CHRNA5: variants seen among roughly 807,000 people sequenced by gnomAD.
CHRNA5 encodes the protein cholinergic receptor nicotinic alpha 5 subunit.
CHRNA5 carries 28 observed loss-of-function variants against 41.2 expected under a neutral mutation model. The observed-to-expected ratio is 0.68, with a 90% CI of 0.50 to 0.93. The LOEUF (loss-of-function observed/expected upper bound fraction) is 0.93, where lower values mean the gene tolerates loss of function less well. Among genes scored for constraint, CHRNA5 ranks in the 40% least tolerant of loss-of-function variants. The pLI, the probability that CHRNA5 is intolerant of heterozygous loss-of-function variation, is 0.00. For synonymous variants in CHRNA5, 188 were observed against 205.8 expected, an observed-to-expected ratio of 0.91 and a Z score of 0.74; for missense variants, 481 against 581.9, an observed-to-expected ratio of 0.83 and a Z score of 1.78.
intron 2 of CHRNA5, among the ~76,000 whole-genome samples, chr15:78,581,529 A>G (rs915457150): frequency 3.3e-5 from 5 of 152,218 alleles, no homozygotes; most frequent in Non-Finnish European, 5.9e-5. Flanking sequence ...TGTTCTGAAC[A>G]TGTAAATCAA....
At chr15:78,582,491 A>G (rs1298362918) in intron 2 of CHRNA5, among the ~76,000 whole-genome samples, 7 of 88,640 alleles carry the variant, frequency 7.9e-5, no homozygotes, top group South Asian at 3.4e-4. Context: ...TCTCAAAAAA[A>G]AAAAGAAAAG....
chr15:78,567,853 A>T (rs1434415004), intron 1 of CHRNA5, among the ~76,000 whole-genome samples: 1 of 152,194 alleles, frequency 6.6e-6, no homozygotes, highest in Non-Finnish European at 1.5e-5. Context: ...TACTGAATGG[A>T]TGATGTAATT....
intron 1 of CHRNA5, among the ~76,000 whole-genome samples, chr15:78,570,466 C>CA (rs1385570411): frequency 6.6e-4 from 63 of 96,116 alleles, no homozygotes; most frequent in African/African-American, 2.2e-3. Flanking sequence ...GACAGGGTTT[C>CA]ACCATGTTGG....
rs898046137 is a variant in CHRNA5 at position 78,583,682 on chromosome 15, G to A, written c.258+2720G>A. On this transcript the variant is annotated intron_variant, in intron 2 of 5. Coordinates refer to ENST00000299565, the Ensembl canonical transcript of CHRNA5. ...TGCACTCCAGCCTGGGCGACAGAGC[G>A]AGACTCTGTCTCAAAAAAAAAAAAA... Among the ~76,000 whole-genome samples the A allele has an allele frequency of 1.2e-4, 18 of 150,484 alleles. 1 individual carries two copies. The South Asian group carries it at 3.8e-3, about 32-fold the overall frequency.
intron 4 of CHRNA5, chr15:78,589,066 G>C (rs2141420350): frequency 6.6e-6 from 1 of 152,248 alleles, no homozygotes; most frequent in African/African-American, 2.4e-5. Context: ...TTAATCTTTT[G>C]ACACTTTTTA....
At chr15:78,580,840 C>G in exon 2 of CHRNA5, 1 of 1,612,888 alleles carries the variant, frequency 6.2e-7, no homozygotes, top group Non-Finnish European at 8.5e-7. Flanking sequence ...TATTGCAAAA[C>G]ATGAAGATAG....
At chr15:78,570,501 C>G (rs535398393) in intron 1 of CHRNA5, among the ~76,000 whole-genome samples, 63 of 140,288 alleles carry the variant, frequency 4.5e-4, no homozygotes, top group Non-Finnish European at 4.2e-4. Flanking sequence ...AACTCCTGGC[C>G]TCGAATGATC....
chr15:78,567,067 A>C (rs1195293889), intron 1 of CHRNA5, among the ~76,000 whole-genome samples: 1 of 151,982 alleles, frequency 6.6e-6, no homozygotes, highest in African/African-American at 2.4e-5. Context: ...CCTGGCTAAC[A>C]CAGTGAAACC....
intron 5 of CHRNA5, among the ~76,000 whole-genome samples, chr15:78,591,724 G>A (rs1035941590): frequency 2.6e-5 from 4 of 152,032 alleles, no homozygotes; most frequent in Admixed American, 2.6e-4. Flanking sequence ...ATTTCAATAG[G>A]TTTTTGGGGA....
At chr15:78,590,484 T>A in exon 5 of CHRNA5, 1 of 1,614,226 alleles carries the variant, frequency 6.2e-7, no homozygotes, top group Non-Finnish European at 8.5e-7. Context: ...CAAACTGCTT[T>A]GCATGAGAAG....
chr15:78,586,650 GA>G lies in CHRNA5; in HGVS notation c.269del (p.Asn90IlefsTer3). 1.3e-6 allele frequency: 2 copies of G among 1,582,590 alleles called. No individual in the cohort carries two copies. The highest frequency in any genetic ancestry group is 1.7e-6 in the Non-Finnish European group (2 of 1,161,726). ...TAAATTTTTATTTTTTAAAGGATGA[GA>G]AAAATCAGTTAATGACAACAAACGT... is the stretch of plus-strand genomic sequence containing the variant. On this transcript the variant is annotated frameshift_variant, in exon 3 of 6. Coordinates refer to ENST00000299565, the Ensembl canonical transcript of CHRNA5. LOFTEE classifies it high-confidence loss of function.
chr15:78,582,141 C>T (rs1288736350), intron 2 of CHRNA5, among the ~76,000 whole-genome samples: 1 of 152,026 alleles, frequency 6.6e-6, no homozygotes. Flanking sequence ...GTGTGCTCAG[C>T]CCTTAGCTAG....
intron 2 of CHRNA5, 62 bp downstream of exon 2, chr15:78,581,024 C>A: frequency 1.3e-6 from 2 of 1,509,140 alleles, no homozygotes; most frequent in Non-Finnish European, 1.8e-6. Context: ...CTGGTGTGTG[C>A]CCAGGCACTG....
At chr15:78,572,693 T>G (rs1447944863) in intron 1 of CHRNA5, among the ~76,000 whole-genome samples, 2 of 152,054 alleles carry the variant, frequency 1.3e-5, no homozygotes, top group African/African-American at 4.8e-5. Flanking sequence ...ATGTTGGTCA[T>G]ACTGGTCTCG....
chr15:78,585,791 C>CTTTTTTTTTTT (rs752254237), intron 2 of CHRNA5, among the ~76,000 whole-genome samples: 24 of 130,596 alleles, frequency 1.8e-4, no homozygotes, highest in South Asian at 2.4e-4. Context: ...TCTTTTCTTT[C>CTTTTTTTTTTT]TTTTTTTTTT....
At position 78,593,027 on chromosome 15, in the gene CHRNA5, G is replaced by C. The variant is rs67529014; in HGVS notation, c.1246-65G>C. 5.1e-3 allele frequency: 7,986 copies of C among 1,559,334 alleles called. 27 individuals are homozygous for C. Among genetic ancestry groups the C allele is most frequent in the Non-Finnish European group, 6.5e-3 (7,519 of 1,156,848 alleles). The stretch of plus-strand genomic sequence containing the variant: ...ATTTGGCTTCTAACTCAGTGTGTTT[G>C]TTATATCTTAAAATATGTACACAAT... On this transcript the variant is annotated intron_variant, in intron 5 of 5. Transcript: ENST00000299565.
intron 1 of CHRNA5, among the ~76,000 whole-genome samples, chr15:78,571,937 C>T (rs1227135426): frequency 6.6e-6 from 1 of 152,078 alleles, no homozygotes; most frequent in Admixed American, 6.6e-5. Flanking sequence ...ACTGCTTTAT[C>T]TTGCTGTTGC....
At chr15:78,579,487 CAG>C (rs2052890311) in intron 1 of CHRNA5, among the ~76,000 whole-genome samples, 1 of 152,222 alleles carries the variant, frequency 6.6e-6, no homozygotes, top group Non-Finnish European at 1.5e-5. Context: ...CTCCTTACCT[CAG>C]GTAATCTGTC....
At chr15:78,573,352 C>G (rs61012457) in intron 1 of CHRNA5, among the ~76,000 whole-genome samples, 41,868 of 152,156 alleles carry the variant, frequency 0.28, 6,711 homozygotes, top group Non-Finnish European at 0.37. Context: ...GGGCGCCATT[C>G]TCACTGTGGG....
Sources: gnomAD v4.1 joint callset for allele counts (sites outside exome capture counted in the v4.1 genomes callset) on GRCh38, gnomAD v4.1.1 for gene constraint, MANE v1.5 for transcripts, NCBI Gene and HGNC (gene_info 2026-07-23, HGNC 2026-07-21) for gene names.